The following ANKS1B variants were observed in gnomAD, a reference collection of about 807,000 sequenced individuals.
ANKS1B encodes the protein ankyrin repeat and sterile alpha motif domain-containing protein 1B.
ANKS1B carries 36 observed loss-of-function variants against 148.3 expected under a neutral mutation model. The ratio of observed to expected loss-of-function variants is 0.24; its 90% CI spans 0.19 to 0.32. The LOEUF (loss-of-function observed/expected upper bound fraction) is 0.32, where lower values mean the gene tolerates loss of function less well. Ranked by LOEUF, ANKS1B falls within the 10% of genes least tolerant of loss-of-function variation. The probability of loss-of-function intolerance (pLI) is 1.00; values close to 1 mark genes in which losing one functional copy is unlikely to be tolerated. For missense variants in ANKS1B, 1,157 were observed against 1,542.6 expected, an observed-to-expected ratio of 0.75 and a Z score of 4.19; for synonymous variants, 542 against 560.8, an observed-to-expected ratio of 0.97 and a Z score of 0.47.
intron 4 of ANKS1B, among the ~76,000 whole-genome samples, chr12:99,805,688 T>C (rs1321338251): frequency 4.6e-5 from 7 of 152,106 alleles, no homozygotes; most frequent in Admixed American, 4.6e-4. Flanking sequence ...TTAAAGTAGG[T>C]TGACCATTCC....
At chr12:99,358,232 G>C (rs938412382) in intron 12 of ANKS1B, among the ~76,000 whole-genome samples, 1 of 151,958 alleles carries the variant, frequency 6.6e-6, no homozygotes, top group Non-Finnish European at 1.5e-5. Flanking sequence ...TTAGTTGCAT[G>C]ATTTTATTAC....
intron 24 of ANKS1B, among the ~76,000 whole-genome samples, chr12:98,773,900 C>A (rs1252296923): frequency 6.6e-6 from 1 of 152,244 alleles, no homozygotes; most frequent in African/African-American, 2.4e-5. Flanking sequence ...GAGATCTGAC[C>A]CAATGAGGCT....
At chr12:99,719,752 G>A (rs1030160140) in intron 8 of ANKS1B, among the ~76,000 whole-genome samples, 6 of 152,000 alleles carry the variant, frequency 3.9e-5, no homozygotes, top group African/African-American at 1.2e-4. Flanking sequence ...TAATAAAAAC[G>A]CTTCTCAAAG....
chr12:99,112,151 T>C (rs1373616104), intron 15 of ANKS1B, among the ~76,000 whole-genome samples: 2 of 152,100 alleles, frequency 1.3e-5, no homozygotes, highest in Non-Finnish European at 2.9e-5. Flanking sequence ...CTGTGTAAGG[T>C]GGCAAAAGCA....
chr12:99,503,171 A>C (rs1229467403), intron 10 of ANKS1B, among the ~76,000 whole-genome samples: 2 of 152,170 alleles, frequency 1.3e-5, no homozygotes, highest in African/African-American at 4.8e-5. Flanking sequence ...TCCTGAGCTC[A>C]AGTGATCCAC....
intron 1 of ANKS1B, among the ~76,000 whole-genome samples, chr12:99,845,156 T>C (rs925976745): frequency 2.0e-5 from 3 of 152,186 alleles, no homozygotes; most frequent in Admixed American, 6.5e-5. Context: ...TTTCTACATA[T>C]AGGATCACGT....
Position 99,504,582 on chromosome 12 carries a change from A to G in ANKS1B, c.1332T>C (p.Asp444=). 1 of 1,612,092 alleles carries G rather than the reference A, an allele frequency of 6.2e-7. No individual in the cohort carries two copies. The highest frequency in any genetic ancestry group is 1.1e-5 in the South Asian group (1 of 90,874). ...TMEIVPSASL[D]TFPSENENFL... ...AGTTCTCATTTTCTGAAGGAAATGT[A>G]TCCAGAGAAGCAGATGGTACAATTT... The change falls in exon 10 of 27, where the codon GAT becomes GAC. Residue 444 remains aspartate (D), a synonymous_variant. Transcript: ENST00000683438.
chr12:99,259,745 G>A (rs2075718273), intron 12 of ANKS1B, among the ~76,000 whole-genome samples: 1 of 152,016 alleles, frequency 6.6e-6, no homozygotes, highest in South Asian at 2.1e-4. Flanking sequence ...GCAAGCAAAG[G>A]AAGCCAGCGA....
At chr12:99,499,192 C>T (rs1165882867) in intron 10 of ANKS1B, among the ~76,000 whole-genome samples, 8 of 152,084 alleles carry the variant, frequency 5.3e-5, no homozygotes. Context: ...ATATTCATCC[C>T]AATTCTAATC....
intron 1 of ANKS1B, among the ~76,000 whole-genome samples, chr12:99,940,627 A>G (rs2094896382): frequency 6.6e-6 from 1 of 152,158 alleles, no homozygotes; most frequent in Non-Finnish European, 1.5e-5. Flanking sequence ...TGGATCCCAC[A>G]TTACATCTTA....
intron 14 of ANKS1B, among the ~76,000 whole-genome samples, chr12:99,217,670 A>G (rs1335446009): frequency 6.6e-6 from 1 of 152,044 alleles, no homozygotes; most frequent in African/African-American, 2.4e-5. Flanking sequence ...TTGGCCCCAG[A>G]AAATATAACT....
At chr12:98,749,328 C>A (rs113328112) in intron 26 of ANKS1B, among the ~76,000 whole-genome samples, 1 of 151,692 alleles carries the variant, frequency 6.6e-6, no homozygotes, top group East Asian at 1.9e-4. Context: ...AGGAGAATCT[C>A]GATCTCCTGA....
chr12:99,171,458 T>A (rs2077746326), intron 14 of ANKS1B, among the ~76,000 whole-genome samples: 1 of 152,196 alleles, frequency 6.6e-6, no homozygotes, highest in Non-Finnish European at 1.5e-5. Context: ...TTCTGGATCA[T>A]AACGCCGAGA....
intron 9 of ANKS1B, among the ~76,000 whole-genome samples, chr12:99,635,854 C>T (rs1324339593): frequency 2.0e-5 from 3 of 151,752 alleles, no homozygotes; most frequent in Non-Finnish European, 4.4e-5. Context: ...ATAAATGATG[C>T]TAGGACAACT....
intron 17 of ANKS1B, among the ~76,000 whole-genome samples, chr12:99,028,941 T>G (rs1010837577): frequency 1.3e-5 from 2 of 152,178 alleles, no homozygotes; most frequent in African/African-American, 4.8e-5. Flanking sequence ...CTAAATAGTA[T>G]TTTATCTTTA....
At chr12:99,257,483 A>G (rs576225059) in intron 12 of ANKS1B, among the ~76,000 whole-genome samples, 6 of 152,240 alleles carry the variant, frequency 3.9e-5, no homozygotes, top group African/African-American at 1.4e-4. Flanking sequence ...TAAATTTTTC[A>G]TATCTGAAAA....
rs2095910764 is a variant in ANKS1B, at chr12:99,459,522, AC to A, written c.1439-15714del. Among the ~76,000 whole-genome samples, 5 of 152,094 alleles carry A rather than the reference AC, an allele frequency of 3.3e-5. No homozygotes were observed. The South Asian group carries it at 1.0e-3, about 31-fold the overall frequency. On this transcript the variant is annotated intron_variant, in intron 10 of 26. Transcript: ENST00000683438. ...TACCTAGGAAACCCTAAAGGCTTAT[AC>A]AAAAAGTTCCTAGAACTGGTAAATG...
intron 17 of ANKS1B, among the ~76,000 whole-genome samples, chr12:98,936,137 T>A (rs1052808769): frequency 6.6e-6 from 1 of 152,198 alleles, no homozygotes; most frequent in Non-Finnish European, 1.5e-5. Flanking sequence ...GTAAAGAACA[T>A]CTATTGAGAG....
intron 8 of ANKS1B, among the ~76,000 whole-genome samples, chr12:99,733,158 T>C (rs954165210): frequency 1.1e-4 from 17 of 152,352 alleles, no homozygotes; most frequent in Admixed American, 2.6e-4. Context: ...GCCTTTATGC[T>C]TGGCCATGCG....
Sources: gnomAD v4.1 joint callset for allele counts (sites outside exome capture counted in the v4.1 genomes callset) on GRCh38, gnomAD v4.1.1 for gene constraint, MANE v1.5 for transcripts, NCBI Gene and HGNC (gene_info 2026-07-23, HGNC 2026-07-21) for gene names.